The following RASSF3 variants were observed in gnomAD, a reference collection of about 807,000 sequenced individuals.
The protein encoded by RASSF3 is ras association domain-containing protein 3.
RASSF3 carries 19 observed loss-of-function variants against 19.9 expected under a neutral mutation model. That is an observed-to-expected ratio of 0.96 (90% CI 0.67 to 1.40). The LOEUF is 1.40. RASSF3 is among the 40% of genes most tolerant of loss of function. The pLI, the probability that RASSF3 is intolerant of heterozygous loss-of-function variation, is 0.00. For missense variants in RASSF3, 306 were observed against 289.8 expected (o/e 1.06, Z -0.41); for synonymous variants, 110 against 104.2 (o/e 1.06, Z -0.34).
intron 1 of RASSF3, among the ~76,000 whole-genome samples, chr12:64,670,545 T>TC (rs758019152): frequency 0.1 from 2,196 of 21,660 alleles, 51 homozygotes; most frequent in African/African-American, 0.14. Flanking sequence ...TCTCTCTCTC[T>TC]TTTTTTTTTT....
chr12:64,660,417 A>T (rs1358316897), intron 1 of RASSF3, among the ~76,000 whole-genome samples: 3 of 152,136 alleles, frequency 2.0e-5, no homozygotes, highest in African/African-American at 7.2e-5. Flanking sequence ...GTCTCATTGT[A>T]TGTAAGGGTG....
At chr12:64,597,332 C>T (rs1565846140) in intron 2 of RASSF3, among the ~76,000 whole-genome samples, 1 of 152,048 alleles carries the variant, frequency 6.6e-6, no homozygotes, top group Non-Finnish European at 1.5e-5. Context: ...AGAGTTTCAC[C>T]ATGTTGGCCA....
intron 2 of RASSF3, among the ~76,000 whole-genome samples, chr12:64,594,423 A>T (rs892335850): frequency 7.9e-5 from 12 of 152,126 alleles, no homozygotes; most frequent in Admixed American, 7.9e-4. Flanking sequence ...CCCACCAATA[A>T]AGTTTTTAAT....
At chr12:64,583,490 C>T (rs931173421) in intron 2 of RASSF3, among the ~76,000 whole-genome samples, 1 of 152,112 alleles carries the variant, frequency 6.6e-6, no homozygotes, top group African/African-American at 2.4e-5. Flanking sequence ...GGCATGGTAG[C>T]GTGCGCCTGT....
intron 2 of RASSF3, among the ~76,000 whole-genome samples, chr12:64,595,925 C>A (rs1348472142): frequency 6.6e-6 from 1 of 152,146 alleles, no homozygotes; most frequent in Non-Finnish European, 1.5e-5. Context: ...CCAAAGCCAG[C>A]CATAAAACCT....
chr12:64,638,303 G>A (rs1181632302), intron 1 of RASSF3, among the ~76,000 whole-genome samples: 4 of 152,262 alleles, frequency 2.6e-5, no homozygotes, highest in Admixed American at 1.3e-4. Context: ...AGTATGGGCC[G>A]GGCGCCGTGG....
At chr12:64,556,275 C>T (rs1869254598) in intron 2 of RASSF3, among the ~76,000 whole-genome samples, 1 of 152,174 alleles carries the variant, frequency 6.6e-6, no homozygotes, top group African/African-American at 2.4e-5. Flanking sequence ...CCACCTCAGC[C>T]TCTTCAGTAC....
intron 2 of RASSF3, among the ~76,000 whole-genome samples, chr12:64,561,087 T>C (rs1480429828): frequency 6.6e-6 from 1 of 152,196 alleles, no homozygotes; most frequent in African/African-American, 2.4e-5. Flanking sequence ...AGAAAGGGCG[T>C]TCTGTAAATG....
At chr12:64,581,109 G>GT (rs1017164173) in intron 2 of RASSF3, among the ~76,000 whole-genome samples, 8 of 147,342 alleles carry the variant, frequency 5.4e-5, no homozygotes, top group African/African-American at 1.0e-4. Context: ...CATTACTGTG[G>GT]TAAAAAAAAA....
intron 2 of RASSF3, among the ~76,000 whole-genome samples, chr12:64,582,311 T>G (rs1869717220): frequency 6.6e-6 from 1 of 152,186 alleles, no homozygotes; most frequent in African/African-American, 2.4e-5. Context: ...TGTGCCAAGT[T>G]TTCCTTGTCT....
chr12:64,536,527 C>T (rs915836918), intron 1 of RASSF3, among the ~76,000 whole-genome samples: 41 of 152,186 alleles, frequency 2.7e-4, no homozygotes, highest in African/African-American at 8.9e-4. Context: ...GTTTTATTAT[C>T]ACATAGACAC....
Position 64,510,287 on chromosome 12 carries a change from T to C in RASSF3, c.169+2958T>C, listed in dbSNP as rs144454483. On this transcript the variant is annotated intron_variant, in intron 1 of 5. Transcript: ENST00000637125. ...GAATTGACTTATGAAGACAGCCCTATGGAATTTTGAGTTAAAAAAGAATGA... is the reference window on the plus strand; with the variant it reads ...GAATTGACTTATGAAGACAGCCCTACGGAATTTTGAGTTAAAAAAGAATGA... Among the ~76,000 whole-genome samples the C allele has an allele frequency of 3.6e-3, 553 of 152,284 alleles. 7 individuals carry two copies. Among genetic ancestry groups the C allele is most frequent in the African/African-American group, 0.013 (521 of 41,562 alleles).
chr12:64,531,228 C>A (rs1044667253), upstream of RASSF3, among the ~76,000 whole-genome samples: 1 of 152,078 alleles, frequency 6.6e-6, no homozygotes, highest in African/African-American at 2.4e-5. Flanking sequence ...ATGTATGGTG[C>A]AAGGTATGGA....
intron 1 of RASSF3, among the ~76,000 whole-genome samples, chr12:64,627,595 A>G (rs977358427): frequency 2.6e-5 from 4 of 152,194 alleles, no homozygotes; most frequent in Non-Finnish European, 4.4e-5. Context: ...TTAATTGACC[A>G]CCTGGTTTTC....
chr12:64,526,275 A>G (rs1868584509), intron 1 of RASSF3, among the ~76,000 whole-genome samples: 1 of 152,236 alleles, frequency 6.6e-6, no homozygotes, highest in South Asian at 2.1e-4. Flanking sequence ...AATCAACCTC[A>G]TTAATATATG....
chr12:64,543,543 C>T (rs1233442422), downstream of RASSF3, among the ~76,000 whole-genome samples: 4 of 124,386 alleles, frequency 3.2e-5, no homozygotes, highest in Non-Finnish European at 7.1e-5. Flanking sequence ...CGCCCCCCGC[C>T]GTGGGCTCCT....
chr12:64,604,115 G>A (rs182599831), intron 2 of RASSF3, among the ~76,000 whole-genome samples: 158 of 151,422 alleles, frequency 1.0e-3, no homozygotes, highest in African/African-American at 3.7e-3. Context: ...CAAAGTGCTC[G>A]GATTACAGGT....
At chr12:64,557,583 C>T (rs550178138) in intron 2 of RASSF3, among the ~76,000 whole-genome samples, 3 of 152,236 alleles carry the variant, frequency 2.0e-5, no homozygotes, top group South Asian at 2.1e-4. Flanking sequence ...ATGGGAAGCA[C>T]GGAGTCTCCC....
chr12:64,572,826 G>A (rs1183764626), intron 2 of RASSF3, among the ~76,000 whole-genome samples: 1 of 152,138 alleles, frequency 6.6e-6, no homozygotes, highest in Non-Finnish European at 1.5e-5. Flanking sequence ...GATTGAATGT[G>A]TCAATTCCAA....
Sources: gnomAD v4.1 joint callset for allele counts (sites outside exome capture counted in the v4.1 genomes callset) on GRCh38, gnomAD v4.1.1 for gene constraint, MANE v1.5 for transcripts, NCBI Gene and HGNC (gene_info 2026-07-23, HGNC 2026-07-21) for gene names.